Variants in ACACA observed in about 807,000 individuals in gnomAD.
ACACA encodes the protein acetyl-CoA carboxylase alpha.
Under a neutral mutation model 296.1 loss-of-function variants are expected in ACACA, and 103 were observed. The observed-to-expected ratio is 0.35, with a 90% CI of 0.30 to 0.41. The LOEUF (loss-of-function observed/expected upper bound fraction) is 0.41, where lower values mean the gene tolerates loss of function less well. Ranked by LOEUF, ACACA falls within the 10% of genes least tolerant of loss-of-function variation. ACACA has a pLI of 1.00. For synonymous variants in ACACA, 953 were observed against 1,038.6 expected (o/e 0.92, Z 1.58); for missense variants, 1,554 against 2,989.7 (o/e 0.52, Z 11.20).
chr17:37,143,521 CT>C, intron 45 of ACACA: 1 of 433,310 alleles, frequency 2.3e-6, no homozygotes. Context: ...TCTAAAGACA[CT>C]TTTGGTAGTG....
Position 37,102,236 on chromosome 17 carries a change from GCT to G in ACACA, c.6566-4254_6566-4253del, listed in dbSNP as rs979657245. On this transcript the variant is annotated intron_variant, in intron 52 of 55. Transcript: ENST00000616317. ...TTTTTTTTTTTTGAGACGGAGTCTT[GCT>G]CTGTCGCCCAGGCTGGAGTGCAGTG... Among the ~76,000 whole-genome samples the G allele has an allele frequency of 6.1e-5, 7 of 113,914 alleles. No individual in the cohort carries two copies. The Admixed American group carries it at 9.2e-4, about 15-fold the overall frequency. 74.7% of individuals were successfully genotyped at this position (113,914 alleles called of 152,430 possible).
chr17:37,380,846 T>C (rs2051946852), intron 1 of ACACA, among the ~76,000 whole-genome samples: 1 of 152,078 alleles, frequency 6.6e-6, no homozygotes, highest in African/African-American at 2.4e-5. Flanking sequence ...TCTGCCCGCC[T>C]TGGCCTCCCA....
chr17:37,367,192 T>G (rs2049638526), intron 1 of ACACA: 1 of 150,884 alleles, frequency 6.6e-6, no homozygotes, highest in Admixed American at 6.6e-5. Context: ...GTGGACCTAT[T>G]GTGCTGATGT....
At position 37,243,280 on chromosome 17, in the gene ACACA, AAAGT is replaced by A; in HGVS notation, c.2931+87_2931+90del. 2.9e-6 allele frequency: 4 copies of A among 1,382,958 alleles called. No individual in the cohort carries two copies. In the South Asian group the frequency reaches 4.7e-5, roughly 16 times the overall value. 85.7% of individuals were successfully genotyped at this position (1,382,958 alleles called of 1,614,324 possible). A position where few individuals can be genotyped will look rare whatever the true frequency, so the allele number is the denominator to read the frequency against. ...AAAAGTATACAAGCACAACATCCAAAAAGTAAGGAGGATCCAAATAGGAAGGAAT... is the reference window on the plus strand; with the variant it reads ...AAAAGTATACAAGCACAACATCCAAAAAGGAGGATCCAAATAGGAAGGAAT... On this transcript the variant is annotated intron_variant, in intron 22 of 55. Coordinates refer to ENST00000616317, the MANE Select transcript of ACACA (RefSeq NM_198834.3).
At chr17:37,119,615 C>T (rs1436794364) in intron 50 of ACACA, among the ~76,000 whole-genome samples, 3 of 150,432 alleles carry the variant, frequency 2.0e-5, no homozygotes, top group Non-Finnish European at 4.4e-5. Flanking sequence ...CACACACACA[C>T]ACACACACAC....
chr17:37,207,486 T>C (rs930433195), intron 31 of ACACA, among the ~76,000 whole-genome samples, 171 bp downstream of exon 31: 1 of 152,050 alleles, frequency 6.6e-6, no homozygotes, highest in Admixed American at 6.5e-5. Context: ...GAATGAGAGG[T>C]AGAAATGCAA....
intron 1 of ACACA, among the ~76,000 whole-genome samples, chr17:37,378,811 C>T (rs1193597854): frequency 2.0e-5 from 3 of 152,130 alleles, no homozygotes; most frequent in Non-Finnish European, 4.4e-5. Flanking sequence ...TCTGTAATCC[C>T]AGCACTTTGG....
At chr17:37,336,443 G>A (rs370007606) in intron 2 of ACACA, among the ~76,000 whole-genome samples, 2 of 152,120 alleles carry the variant, frequency 1.3e-5, no homozygotes, top group African/African-American at 2.4e-5. Flanking sequence ...TTTAAACACC[G>A]GGCTTGCAAC....
chr17:37,229,648 C>T (rs528636153), intron 25 of ACACA, among the ~76,000 whole-genome samples: 22 of 152,080 alleles, frequency 1.4e-4, no homozygotes, highest in Non-Finnish European at 2.9e-4. Context: ...AAGCAAAACA[C>T]GTAAAAGCAC....
Position 37,190,172 on chromosome 17 carries a change from T to C in ACACA, c.4572+948A>G, listed in dbSNP as rs146308427. The stretch of plus-strand genomic sequence containing the variant: ...GGCCAGGCACGGTGGCTCACACCTG[T>C]AATCCCAGCACTTTGGGAGGCTGAG... On this transcript the variant is annotated intron_variant, in intron 38 of 55. Coordinates refer to ENST00000616317, the MANE Select transcript of ACACA (RefSeq NM_198834.3). 6.3e-4 allele frequency among the ~76,000 whole-genome samples: 96 copies of C among 152,220 alleles called. 1 individual carries two copies. In the East Asian group the frequency reaches 0.013, roughly 21 times the overall value.
intron 1 of ACACA, among the ~76,000 whole-genome samples, chr17:37,363,179 C>CTTTT (rs902746004): frequency 1.4e-3 from 101 of 72,836 alleles, no homozygotes; most frequent in Middle Eastern, 0.019. Context: ...TTCTCTTTTT[C>CTTTT]TTTTTTTTTT....
At chr17:37,398,999 G>A (rs1359722169) in intron 1 of ACACA, among the ~76,000 whole-genome samples, 2 of 146,094 alleles carry the variant, frequency 1.4e-5, no homozygotes, top group East Asian at 4.0e-4. Flanking sequence ...TTTTTTTTTA[G>A]ATGGAGTTTC....
At chr17:37,299,102 A>G (rs889312370) in intron 3 of ACACA, among the ~76,000 whole-genome samples, 3 of 152,196 alleles carry the variant, frequency 2.0e-5, no homozygotes, top group Non-Finnish European at 4.4e-5. Flanking sequence ...TATAAAATAA[A>G]GGTTTAGACA....
intron 29 of ACACA, among the ~76,000 whole-genome samples, chr17:37,216,572 AT>A (rs1423315244): frequency 6.6e-6 from 1 of 152,122 alleles, no homozygotes; most frequent in East Asian, 1.9e-4. Context: ...AAATAGTCGA[AT>A]TATACCAAAA....
chr17:37,138,013 G>A (rs116752450), intron 45 of ACACA, among the ~76,000 whole-genome samples: 146 of 152,154 alleles, frequency 9.6e-4, no homozygotes, highest in African/African-American at 1.3e-3. Context: ...TTTCTTAGAC[G>A]CGCATACTAT....
At chr17:37,269,969 C>T (rs2081995980) in intron 10 of ACACA, among the ~76,000 whole-genome samples, 1 of 152,142 alleles carries the variant, frequency 6.6e-6, no homozygotes, top group South Asian at 2.1e-4. Context: ...GAGGGTAACT[C>T]TGAGGACAGA....
At chr17:37,207,526 G>T in intron 31 of ACACA, 131 bp downstream of exon 31, 1 of 1,094,422 alleles carries the variant, frequency 9.1e-7, no homozygotes, top group Non-Finnish European at 1.4e-6. Context: ...GGCATATACA[G>T]CAAGGGTTAC....
rs986445641 is a variant in ACACA, at chr17:37,330,347, C to T, written c.164G>A (p.Arg55Gln). Reference protein sequence around the residue: ...AQPLELNQHSRFIIGSVSEDN... With the variant: ...AQPLELNQHSQFIIGSVSEDN... ...TTCAGACACAGAACCTATTATGAAT[C>T]GAGAGTGCTGGTTCAGCTCCAGAGG... The change falls in exon 3 of 56, where the codon CGA (arginine) becomes CAA (glutamine). Residue 55 changes from arginine to glutamine, a missense_variant. Arg to Gln is a conservative substitution (Grantham distance 43). Coordinates refer to ENST00000616317, the MANE Select transcript of ACACA (RefSeq NM_198834.3). The T allele has an allele frequency of 1.2e-6, 2 of 1,614,204 alleles. No homozygotes were observed. Among genetic ancestry groups the T allele is most frequent in the East Asian group, 2.2e-5 (1 of 44,886 alleles).
chr17:37,148,849 T>C (rs1379609918), intron 45 of ACACA, among the ~76,000 whole-genome samples: 1 of 152,124 alleles, frequency 6.6e-6, no homozygotes, highest in Non-Finnish European at 1.5e-5. Flanking sequence ...AATCTAGGCA[T>C]GCCCAGTAGA....
Sources: gnomAD v4.1 joint callset for allele counts (sites outside exome capture counted in the v4.1 genomes callset) on GRCh38, gnomAD v4.1.1 for gene constraint, MANE v1.5 for transcripts, NCBI Gene and HGNC (gene_info 2026-07-23, HGNC 2026-07-21) for gene names.